The following TKT variants were observed in gnomAD, a reference collection of about 807,000 sequenced individuals.
TKT encodes the protein transketolase, also known as epididymis luminal protein 107.
Under a neutral mutation model 63.9 loss-of-function variants are expected in TKT, and 47 were observed. That is an observed-to-expected ratio of 0.74 (90% CI 0.58 to 0.94). TKT has a LOEUF of 0.94. TKT is among the 40% of genes least tolerant of loss of function. The probability of loss-of-function intolerance (pLI) is 0.00; values close to 1 mark genes in which losing one functional copy is unlikely to be tolerated. For missense variants in TKT, 721 were observed against 846.2 expected (o/e 0.85, Z 1.84); for synonymous variants, 338 against 334.1 (o/e 1.01, Z -0.13).
chr3:53,236,202 G>C (rs1265900070), intron 4 of TKT, among the ~76,000 whole-genome samples: 1 of 152,212 alleles, frequency 6.6e-6, no homozygotes, highest in Non-Finnish European at 1.5e-5. Flanking sequence ...GCTCAGAGGG[G>C]ACATGGCTGC....
At chr3:53,228,550 C>T (rs1704603513) in intron 10 of TKT, 191 bp from the exon 11 acceptor site, 1 of 619,648 alleles carries the variant, frequency 1.6e-6, no homozygotes. Flanking sequence ...GAACTGCCCA[C>T]CACCTTGCAG....
chr3:53,242,277 A>G (rs1166797110), intron 1 of TKT, 35 bp from the exon 2 acceptor site: 2 of 1,595,946 alleles, frequency 1.3e-6, no homozygotes, highest in Non-Finnish European at 8.6e-7. Flanking sequence ...CACAGGCATC[A>G]TGGCCCTGCA....
intron 4 of TKT, 37 bp from the exon 5 acceptor site, chr3:53,235,211 C>T (rs1704964521): frequency 2.6e-6 from 4 of 1,560,842 alleles, no homozygotes; most frequent in Non-Finnish European, 8.7e-7. Context: ...GTCCCTCTCA[C>T]CTGGACCCAG....
rs1553675949 is a variant in TKT at position 53,228,041 on chromosome 3, G to C, written c.1573+15C>G. 1.1e-5 allele frequency: 17 copies of C among 1,610,584 alleles called. No homozygotes were observed. Among genetic ancestry groups the C allele is most frequent in the African/African-American group, 1.3e-5 (1 of 74,866 alleles). Reference sequence around the variant, plus strand: ...GGCCGCTCAGTTGATGACTTTGGAGGCCCCTTCTCCTCACCTTTCTTCAGC... The same window carrying C: ...GGCCGCTCAGTTGATGACTTTGGAGCCCCCTTCTCCTCACCTTTCTTCAGC... On this transcript the variant is annotated intron_variant, in intron 12 of 13. Transcript: ENST00000462138.
intron 3 of TKT, among the ~76,000 whole-genome samples, chr3:53,240,746 G>C (rs1187646493): frequency 1.3e-5 from 2 of 152,326 alleles, no homozygotes; most frequent in South Asian, 2.1e-4. Context: ...AGGGATGCCA[G>C]ATGGCACCCC....
chr3:53,230,701 G>A, intron 7 of TKT, 80 bp from the exon 8 acceptor site: 2 of 1,548,808 alleles, frequency 1.3e-6, no homozygotes, highest in Non-Finnish European at 1.8e-6. Context: ...TGCTTTCAGA[G>A]AAGGATTAAA....
intron 6 of TKT, chr3:53,232,503 T>C (rs1404881786): frequency 5.0e-6 from 2 of 398,634 alleles, no homozygotes; most frequent in Non-Finnish European, 8.8e-6. Context: ...TGCCATAGAC[T>C]TCCTCTGTCC....
At chr3:53,236,181 TG>T (rs1705023040) in intron 4 of TKT, among the ~76,000 whole-genome samples, 2 of 152,216 alleles carry the variant, frequency 1.3e-5, no homozygotes, top group South Asian at 4.1e-4. Context: ...ATGAGGCTGG[TG>T]CCTGGTTGGG....
chr3:53,231,644 C>CGAGG (rs1373394500), intron 6 of TKT, 94 bp from the exon 7 acceptor site: 7 of 1,331,148 alleles, frequency 5.3e-6, no homozygotes, highest in Non-Finnish European at 7.2e-6. Flanking sequence ...CTCTACCTGC[C>CGAGG]GAGGGCAAGG....
intron 4 of TKT, 145 bp from the exon 5 acceptor site, chr3:53,235,319 G>A: frequency 5.9e-6 from 4 of 681,534 alleles, no homozygotes; most frequent in African/African-American, 1.8e-5. Flanking sequence ...ACACTCGAGG[G>A]GCAACAGTGT....
At chr3:53,240,887 G>C (rs1705241872) in intron 3 of TKT, among the ~76,000 whole-genome samples, 1 of 152,190 alleles carries the variant, frequency 6.6e-6, no homozygotes, top group Non-Finnish European at 1.5e-5. Flanking sequence ...AGCTTGGGGA[G>C]AGGCCCTCCC....
At chr3:53,240,012 G>C (rs1553679432) in intron 4 of TKT, among the ~76,000 whole-genome samples, 1 of 152,248 alleles carries the variant, frequency 6.6e-6, no homozygotes, top group East Asian at 1.9e-4. Flanking sequence ...GGCCCTGCCA[G>C]TCACTGCTGA....
intron 8 of TKT, 110 bp downstream of exon 8, chr3:53,230,347 T>C: frequency 7.1e-7 from 1 of 1,412,038 alleles, no homozygotes; most frequent in Non-Finnish European, 9.8e-7. Flanking sequence ...ATAGTCTCCC[T>C]GGGCTGGCCT....
At chr3:53,235,342 G>T in intron 4 of TKT, 168 bp from the exon 5 acceptor site, 1 of 577,546 alleles carries the variant, frequency 1.7e-6, no homozygotes. Context: ...CCAGGTTCCT[G>T]CAGCCTACCA....
intron 1 of TKT, among the ~76,000 whole-genome samples, chr3:53,247,182 C>A (rs1705549739): frequency 2.0e-5 from 3 of 151,550 alleles, no homozygotes; most frequent in Non-Finnish European, 4.4e-5. Flanking sequence ...CAAGGTGAAA[C>A]CCCGTCTCTA....
intron 2 of TKT, 76 bp downstream of exon 2, chr3:53,242,049 C>T: frequency 7.1e-7 from 1 of 1,412,040 alleles, no homozygotes; most frequent in Non-Finnish European, 1.0e-6. Context: ...TCCTCAAAGA[C>T]CACTCACCAT....
chr3:53,243,687 C>G (rs1453068800), intron 1 of TKT: 2 of 451,856 alleles, frequency 4.4e-6, no homozygotes, highest in African/African-American at 4.0e-5. Flanking sequence ...GGACCCTAAT[C>G]CCACGCTCCC....
chr3:53,226,885 G>A lies in TKT; in HGVS notation c.1574-7C>T. On this transcript the variant is annotated splice_polypyrimidine_tract_variant and splice_region_variant and intron_variant, in intron 12 of 13. Transcript: ENST00000462138. ...ACGCGGATGTTGATCTTTTCTGTGAGGGAGAGCACACGGCGTGGCTGAGGG... is the reference window on the plus strand; with the variant it reads ...ACGCGGATGTTGATCTTTTCTGTGAAGGAGAGCACACGGCGTGGCTGAGGG... 3 of 1,601,218 alleles carry A rather than the reference G, an allele frequency of 1.9e-6. No homozygotes were observed. Among genetic ancestry groups the A allele is most frequent in the Non-Finnish European group, 2.6e-6 (3 of 1,172,812 alleles).
rs1704755935 is a variant in TKT at position 53,231,480 on chromosome 3, C to A, written c.819G>T (p.Glu273Asp). 3 of 1,614,150 alleles carry A rather than the reference C, an allele frequency of 1.9e-6. No individual in the cohort carries two copies. The highest frequency in any genetic ancestry group is 2.5e-6 in the Non-Finnish European group (3 of 1,180,030). ...TTTTGCTCTGGATCTGGCTGTAGAT[C>A]TCCTGGATGATCTGCTCAGCCATGT... ...PKNMAEQIIQEIYSQIQSKKK... is the reference protein window; with the variant it reads ...PKNMAEQIIQDIYSQIQSKKK... The change falls in exon 7 of 14, where the codon GAG (glutamate) becomes GAT (aspartate). Residue 273 changes from glutamate to aspartate, a missense_variant. Physicochemically the swap from Glu to Asp is conservative, Grantham distance 45. Coordinates refer to ENST00000462138, the MANE Select transcript of TKT (RefSeq NM_001064.4).
Sources: allele counts gnomAD v4.1 joint callset (sites outside exome capture counted in the v4.1 genomes callset), GRCh38; gene constraint gnomAD v4.1.1; transcripts MANE v1.5; gene names NCBI Gene and HGNC (gene_info 2026-07-23, HGNC 2026-07-21).